MAP4K3: variants seen among roughly 807,000 people sequenced by gnomAD.
MAP4K3 encodes mitogen-activated protein kinase kinase kinase kinase 3, also known as MAPK/ERK kinase kinase kinase 3.
Under a neutral mutation model 143.5 loss-of-function variants are expected in MAP4K3, and 94 were observed. The observed-to-expected ratio is 0.65, with a 90% CI of 0.55 to 0.78. The LOEUF (loss-of-function observed/expected upper bound fraction) is 0.78, where lower values mean the gene tolerates loss of function less well. MAP4K3 is among the 30% of genes least tolerant of loss of function. The pLI is 0.00. For synonymous variants in MAP4K3, 416 were observed against 347.2 expected, an observed-to-expected ratio of 1.20 and a Z score of -2.20; for missense variants, 1,077 against 1,068.1, an observed-to-expected ratio of 1.01 and a Z score of -0.12.
intron 1 of MAP4K3, among the ~76,000 whole-genome samples, chr2:39,412,615 G>T (rs751172958): frequency 6.6e-6 from 1 of 151,976 alleles, no homozygotes; most frequent in African/African-American, 2.4e-5. Flanking sequence ...TTTCCTAAAC[G>T]GCGATCATGA....
At chr2:39,305,317 A>G (rs1239099588) in intron 15 of MAP4K3, among the ~76,000 whole-genome samples, 1 of 152,206 alleles carries the variant, frequency 6.6e-6, no homozygotes, top group African/African-American at 2.4e-5. Context: ...TTAAAAATAT[A>G]TACTGATGAT....
At position 39,437,277 on chromosome 2, in the gene MAP4K3, A is replaced by C; in HGVS notation, c.-290T>G. ...CCCTCGCTCGGGGTGAAACTCCAAC[A>C]TGGCTTCCGCTTTCGCCGCTCCTCC... On this transcript the variant is annotated 5_prime_UTR_variant, in exon 1 of 34. It removes an upstream start codon present in the reference 5' UTR. Transcript: ENST00000263881. The C allele has an allele frequency of 3.1e-5, 7 of 222,708 alleles. No homozygotes were observed. Among genetic ancestry groups the C allele is most frequent in the Non-Finnish European group, 3.5e-5 (4 of 114,124 alleles). 13.8% of individuals were successfully genotyped at this position (222,708 alleles called of 1,614,324 possible). A position where few individuals can be genotyped will look rare whatever the true frequency, so the allele number is the denominator to read the frequency against.
At chr2:39,394,460 C>A (rs1666751337) in intron 1 of MAP4K3, among the ~76,000 whole-genome samples, 1 of 152,122 alleles carries the variant, frequency 6.6e-6, no homozygotes, top group Admixed American at 6.5e-5. Flanking sequence ...CAAAAACTCA[C>A]AAGAGCCACA....
chr2:39,405,764 A>G (rs118066387), intron 1 of MAP4K3, among the ~76,000 whole-genome samples: 1 of 152,186 alleles, frequency 6.6e-6, no homozygotes. Flanking sequence ...TCTACGTGGG[A>G]GGCTGAGGTG....
At chr2:39,391,915 G>A (rs904169029) in intron 1 of MAP4K3, among the ~76,000 whole-genome samples, 11 of 152,074 alleles carry the variant, frequency 7.2e-5, no homozygotes, top group Non-Finnish European at 1.3e-4. Context: ...AGGCGCGGTG[G>A]CTCACATCTG....
At chr2:39,375,437 G>T (rs1333619750) in intron 2 of MAP4K3, among the ~76,000 whole-genome samples, 1 of 151,578 alleles carries the variant, frequency 6.6e-6, no homozygotes, top group Non-Finnish European at 1.5e-5. Flanking sequence ...ATCTGGACTG[G>T]GGGGGAACTT....
At chr2:39,372,879 G>A (rs1217569298) in intron 2 of MAP4K3, among the ~76,000 whole-genome samples, 5 of 152,160 alleles carry the variant, frequency 3.3e-5, no homozygotes, top group African/African-American at 9.7e-5. Flanking sequence ...ACTGGTGTGG[G>A]CAAAGATTTC....
chr2:39,333,639 A>C (rs1002294452), intron 6 of MAP4K3, 65 bp from the exon 7 acceptor site: 1 of 793,736 alleles, frequency 1.3e-6, no homozygotes, highest in African/African-American at 1.8e-5. Flanking sequence ...CACATATATA[A>C]TAAATATACA....
At chr2:39,422,756 C>T (rs1405994177) in intron 1 of MAP4K3, among the ~76,000 whole-genome samples, 1 of 152,146 alleles carries the variant, frequency 6.6e-6, no homozygotes, top group African/African-American at 2.4e-5. Flanking sequence ...ACATGGACCT[C>T]ACATCTTTTA....
chr2:39,308,703 T>C (rs1682808486), intron 14 of MAP4K3, among the ~76,000 whole-genome samples: 1 of 152,168 alleles, frequency 6.6e-6, no homozygotes. Context: ...GTATTTTGCT[T>C]TTATGACTGA....
Position 39,285,696 on chromosome 2 carries a change from C to T in MAP4K3, c.1587+1156G>A, listed in dbSNP as rs556530282. On this transcript the variant is annotated intron_variant, in intron 21 of 33. Coordinates refer to ENST00000263881, the MANE Select transcript of MAP4K3 (RefSeq NM_003618.4). ...TGCTTACTGCAGAAACCATAGCATA[C>T]TGAATGTACTAGACAAACATACCGA... Among the ~76,000 whole-genome samples the T allele has an allele frequency of 3.3e-5, 5 of 152,256 alleles. No homozygotes were observed. In the East Asian group the frequency reaches 7.7e-4, roughly 23 times the overall value.
chr2:39,295,173 T>C (rs891021820), intron 16 of MAP4K3, among the ~76,000 whole-genome samples: 3 of 152,230 alleles, frequency 2.0e-5, no homozygotes, highest in African/African-American at 7.2e-5. Context: ...CTGACATATA[T>C]AATAAAACCT....
At chr2:39,336,103 A>G (rs769925860) in intron 6 of MAP4K3, among the ~76,000 whole-genome samples, 4 of 152,186 alleles carry the variant, frequency 2.6e-5, no homozygotes. Context: ...TTCCTACCAG[A>G]GCACATGCTG....
In MAP4K3 at chr2:39,325,511, T is replaced by G. The variant is rs779228325; in HGVS notation, c.918+7A>C. 1.0e-5 allele frequency: 16 copies of G among 1,599,138 alleles called. No homozygotes were observed. The highest frequency in any genetic ancestry group is 1.4e-5 in the Non-Finnish European group (16 of 1,168,056). ...TATATATGCCCGCTGGTAAAAGCAATTCCTACCTCAGGATCATCATCATCG... is the reference window on the plus strand; with the variant it reads ...TATATATGCCCGCTGGTAAAAGCAAGTCCTACCTCAGGATCATCATCATCG... On this transcript the variant is annotated splice_region_variant and intron_variant, in intron 12 of 33. Transcript: ENST00000263881.
chr2:39,331,625 G>A (rs1262214167), intron 8 of MAP4K3, among the ~76,000 whole-genome samples: 1 of 152,084 alleles, frequency 6.6e-6, no homozygotes, highest in East Asian at 1.9e-4. Context: ...GAAAATACAT[G>A]AGAAATGTAC....
chr2:39,352,006 C>G (rs907887376), intron 3 of MAP4K3, among the ~76,000 whole-genome samples: 1 of 152,192 alleles, frequency 6.6e-6, no homozygotes, highest in Non-Finnish European at 1.5e-5. Context: ...ATAGTTTTTA[C>G]TGTATGGATC....
chr2:39,400,096 T>C (rs546820017), intron 1 of MAP4K3, among the ~76,000 whole-genome samples: 2 of 152,284 alleles, frequency 1.3e-5, no homozygotes, highest in South Asian at 2.1e-4. Flanking sequence ...AACCCTGCTA[T>C]ACTTTAGGTG....
At chr2:39,382,659 A>C (rs143211546) in intron 1 of MAP4K3, among the ~76,000 whole-genome samples, 2,295 of 152,344 alleles carry the variant, frequency 0.015, 62 homozygotes, top group African/African-American at 0.052. Flanking sequence ...AAAGAGTTTA[A>C]ATACAAAACA....
chr2:39,393,616 C>T (rs1483314542), intron 1 of MAP4K3, among the ~76,000 whole-genome samples: 1 of 152,126 alleles, frequency 6.6e-6, no homozygotes, highest in Non-Finnish European at 1.5e-5. Flanking sequence ...CCAAAGCGAG[C>T]AACAAACTTC....
Sources: gnomAD v4.1 joint callset for allele counts (sites outside exome capture counted in the v4.1 genomes callset) on GRCh38, gnomAD v4.1.1 for gene constraint, MANE v1.5 for transcripts, NCBI Gene and HGNC (gene_info 2026-07-23, HGNC 2026-07-21) for gene names.